MB21D2: variants seen among roughly 807,000 people sequenced by gnomAD.
MB21D2 encodes Mab-21 domain containing 2, also known as nucleotidyltransferase MB21D2.
Under a neutral mutation model 33.3 loss-of-function variants are expected in MB21D2, and 9 were observed. The ratio of observed to expected loss-of-function variants is 0.27; its 90% CI spans 0.16 to 0.47. The LOEUF is 0.47. MB21D2 is among the 20% of genes least tolerant of loss of function. MB21D2 has a pLI of 0.99. For missense variants in MB21D2, 540 were observed against 624.6 expected (o/e 0.86, Z 1.44); for synonymous variants, 241 against 236.3 (o/e 1.02, Z -0.18).
chr3:192,825,278 T>C (rs1712151032), intron 1 of MB21D2, among the ~76,000 whole-genome samples: 4 of 152,152 alleles, frequency 2.6e-5, no homozygotes, highest in Admixed American at 2.6e-4. Flanking sequence ...ATGGTAAGCT[T>C]GCTGAATGAA....
chr3:192,811,808 C>A (rs535494826), intron 1 of MB21D2, among the ~76,000 whole-genome samples: 1 of 152,190 alleles, frequency 6.6e-6, no homozygotes, highest in South Asian at 2.1e-4. Flanking sequence ...AAAAAAAGAA[C>A]TCACTCCAGG....
At chr3:192,885,636 G>A (rs1484598224) in intron 1 of MB21D2, among the ~76,000 whole-genome samples, 4 of 152,246 alleles carry the variant, frequency 2.6e-5, no homozygotes, top group South Asian at 2.1e-4. Context: ...AGATGGCTCT[G>A]AAGTAGTGCT....
intron 1 of MB21D2, among the ~76,000 whole-genome samples, chr3:192,905,414 G>A (rs545711114): frequency 6.6e-6 from 1 of 152,014 alleles, no homozygotes; most frequent in South Asian, 2.1e-4. Context: ...CGAGGTGGGC[G>A]GATCACGAGG....
At chr3:192,864,964 C>T (rs1301171959) in intron 1 of MB21D2, among the ~76,000 whole-genome samples, 1 of 152,148 alleles carries the variant, frequency 6.6e-6, no homozygotes, top group Non-Finnish European at 1.5e-5. Flanking sequence ...TATTAAAATA[C>T]TCACAGATGA....
At chr3:192,857,315 T>C (rs778472844) in intron 1 of MB21D2, among the ~76,000 whole-genome samples, 1 of 152,224 alleles carries the variant, frequency 6.6e-6, no homozygotes. Context: ...CATTTTTATC[T>C]GGCTCCCAAA....
intron 1 of MB21D2, among the ~76,000 whole-genome samples, chr3:192,817,857 T>C (rs1485892696): frequency 1.3e-5 from 2 of 149,346 alleles, no homozygotes. Context: ...GGTGCCCCCA[T>C]CTCCATAGCC....
intron 1 of MB21D2, among the ~76,000 whole-genome samples, chr3:192,829,864 C>T (rs576981375): frequency 6.6e-6 from 1 of 152,180 alleles, no homozygotes; most frequent in East Asian, 1.9e-4. Flanking sequence ...GTAGCCGGGA[C>T]CACAGGCATG....
Position 192,799,673 on chromosome 3 carries a change from C to A in MB21D2, c.212-23G>T, listed in dbSNP as rs369649156. 1 of 1,600,664 alleles carries A rather than the reference C, an allele frequency of 6.2e-7. No homozygotes were observed. Among genetic ancestry groups the A allele is most frequent in the East Asian group, 2.2e-5 (1 of 44,786 alleles). Reference sequence around the variant, plus strand: ...TTCCTGGAAATAAAGAAGAAAAAAACAACACTATTACAGGAAACACAGACA... The same window carrying A: ...TTCCTGGAAATAAAGAAGAAAAAAAAAACACTATTACAGGAAACACAGACA... On this transcript the variant is annotated intron_variant, in intron 1 of 1. Coordinates refer to ENST00000392452, the MANE Select transcript of MB21D2 (RefSeq NM_178496.4). This position sits in a 1 kb window ranked among gnomAD's most constrained non-coding sequence, Gnocchi z 4.1.
Position 192,828,649 on chromosome 3 carries a change from T to C in MB21D2, c.212-28999A>G, listed in dbSNP as rs1246658418. Among the ~76,000 whole-genome samples the C allele has an allele frequency of 2.2e-3, 93 of 41,500 alleles. 14 individuals are homozygous for C. Among genetic ancestry groups the C allele is most frequent in the East Asian group, 0.01 (12 of 1,172 alleles). 27.2% of individuals were successfully genotyped at this position (41,500 alleles called of 152,430 possible). ...ATATATATATATATATATATATATA[T>C]ATATATATATATATTTTGAGACGGA... On this transcript the variant is annotated intron_variant, in intron 1 of 1. Coordinates refer to ENST00000392452, the MANE Select transcript of MB21D2 (RefSeq NM_178496.4).
At chr3:192,841,764 T>C (rs1369233611) in intron 1 of MB21D2, among the ~76,000 whole-genome samples, 4 of 152,254 alleles carry the variant, frequency 2.6e-5, no homozygotes, top group African/African-American at 9.6e-5. Context: ...CAGCAATAGG[T>C]AACTAATAAT....
intron 1 of MB21D2, among the ~76,000 whole-genome samples, chr3:192,822,738 CAT>C (rs1712088580): frequency 6.6e-6 from 1 of 152,194 alleles, no homozygotes; most frequent in Non-Finnish European, 1.5e-5. Flanking sequence ...ACCCTTAGAA[CAT>C]CTAATGTAAC....
At chr3:192,887,876 T>C (rs1713766931) in intron 1 of MB21D2, among the ~76,000 whole-genome samples, 1 of 151,982 alleles carries the variant, frequency 6.6e-6, no homozygotes, top group Admixed American at 6.6e-5. Context: ...ATGCAGTTTC[T>C]CTTCAGTAAG....
chr3:192,825,170 G>T lies in MB21D2; in HGVS notation c.212-25520C>A, dbSNP rs1023119069. ...ACCTACTTTATTGTTTGGAGACAGG[G>T]ACTCACTGTCGCCCAGGCTGGGGTG... is the stretch of plus-strand genomic sequence containing the variant. On this transcript the variant is annotated intron_variant, in intron 1 of 1. Coordinates refer to ENST00000392452, the MANE Select transcript of MB21D2 (RefSeq NM_178496.4). 6.6e-5 allele frequency among the ~76,000 whole-genome samples: 10 copies of T among 152,286 alleles called. No individual in the cohort carries two copies. The East Asian group carries it at 1.9e-3, about 29-fold the overall frequency.
intron 1 of MB21D2, among the ~76,000 whole-genome samples, chr3:192,849,811 C>T (rs1560238716): frequency 1.3e-5 from 2 of 152,166 alleles, no homozygotes; most frequent in Admixed American, 6.5e-5. Context: ...TTATATATTG[C>T]TCACTCATAT....
At chr3:192,864,451 T>A (rs932710565) in intron 1 of MB21D2, among the ~76,000 whole-genome samples, 4 of 152,184 alleles carry the variant, frequency 2.6e-5, no homozygotes, top group African/African-American at 9.7e-5. Flanking sequence ...CCTCATGCAA[T>A]CCTTCTCCCT....
chr3:192,803,928 T>C (rs779055566), intron 1 of MB21D2, among the ~76,000 whole-genome samples: 1 of 152,162 alleles, frequency 6.6e-6, no homozygotes, highest in Non-Finnish European at 1.5e-5. Context: ...GGATAGAGGA[T>C]AGCTATTCCC....
At chr3:192,877,815 T>C (rs116206356) in intron 1 of MB21D2, among the ~76,000 whole-genome samples, 649 of 152,300 alleles carry the variant, frequency 4.3e-3, no homozygotes, top group African/African-American at 0.015. Flanking sequence ...CAGACTGATA[T>C]ATGTGCTCTG....
rs148385319 is a variant in MB21D2 at position 192,806,075 on chromosome 3, G to A, written c.212-6425C>T. Among the ~76,000 whole-genome samples, 1,265 of 152,334 alleles carry A rather than the reference G, an allele frequency of 8.3e-3. 28 individuals carry two copies. The highest frequency in any genetic ancestry group is 0.028 in the African/African-American group (1,148 of 41,576). ...CTGAGTGAATGCCATCGTGTGGCAC[G>A]ACACACAGGGTGGCAGGCAGAGGGC... On this transcript the variant is annotated intron_variant, in intron 1 of 1. Transcript: ENST00000392452.
intron 1 of MB21D2, among the ~76,000 whole-genome samples, chr3:192,908,710 G>A (rs890734117): frequency 6.6e-5 from 10 of 151,572 alleles, no homozygotes; most frequent in South Asian, 2.1e-4. Flanking sequence ...GAGCCACCAC[G>A]CCGGGCCAAA....
Sources: gnomAD v4.1 joint callset for allele counts (sites outside exome capture counted in the v4.1 genomes callset) on GRCh38, gnomAD v4.1.1 for gene constraint, Gnocchi (gnomAD v3.1) non-coding constraint, MANE v1.5 for transcripts, NCBI Gene and HGNC (gene_info 2026-07-23, HGNC 2026-07-21) for gene names.